ILDR2: variants seen among roughly 807,000 people sequenced by gnomAD.
ILDR2 encodes the protein immunoglobulin-like domain-containing receptor 2.
In ILDR2, 25 loss-of-function variants were observed where a neutral mutation model predicts 66.8. That is an observed-to-expected ratio of 0.37 (90% CI 0.27 to 0.52). The LOEUF (loss-of-function observed/expected upper bound fraction) is 0.52, where lower values mean the gene tolerates loss of function less well. Ranked by LOEUF, ILDR2 falls within the 20% of genes least tolerant of loss-of-function variation. The pLI, the probability that ILDR2 is intolerant of heterozygous loss-of-function variation, is 0.88. For missense variants in ILDR2, 827 were observed against 876.8 expected (o/e 0.94, Z 0.72); for synonymous variants, 367 against 357.2 (o/e 1.03, Z -0.31).
chr1:166,898,240 A>G (rs1367457348), intron 2 of ILDR2, among the ~76,000 whole-genome samples: 1 of 152,170 alleles, frequency 6.6e-6, no homozygotes, highest in African/African-American at 2.4e-5. Context: ...GGAATTCAGG[A>G]GAGAGTCCAG....
chr1:166,958,126 GA>G (rs1455486038), intron 1 of ILDR2, 25 bp from the exon 2 acceptor site: 1 of 1,578,456 alleles, frequency 6.3e-7, no homozygotes, highest in African/African-American at 1.3e-5. Flanking sequence ...AAACATGTCC[GA>G]ACAGTGTCCA....
chr1:166,953,872 C>T (rs1359322491), intron 3 of ILDR2, among the ~76,000 whole-genome samples: 1 of 152,200 alleles, frequency 6.6e-6, no homozygotes, highest in Non-Finnish European at 1.5e-5. Context: ...GGACATAGAA[C>T]TCATTTCTGA....
chr1:166,938,662 T>C (rs900953448), intron 4 of ILDR2, among the ~76,000 whole-genome samples: 1 of 152,222 alleles, frequency 6.6e-6, no homozygotes, highest in Non-Finnish European at 1.5e-5. Context: ...TTTTTAAAAA[T>C]TTGGATTAAG....
At chr1:166,941,802 T>A (rs952036202) in intron 3 of ILDR2, among the ~76,000 whole-genome samples, 7 of 152,242 alleles carry the variant, frequency 4.6e-5, no homozygotes, top group Admixed American at 4.6e-4. Flanking sequence ...GGATATGCTA[T>A]GATCCAAATC....
At chr1:166,967,628 G>A (rs1246914922) in intron 1 of ILDR2, among the ~76,000 whole-genome samples, 1 of 152,136 alleles carries the variant, frequency 6.6e-6, no homozygotes, top group East Asian at 1.9e-4. Context: ...ATGGTGATGT[G>A]TGCCTGTAGT....
chr1:166,956,540 G>C (rs1053092942), intron 3 of ILDR2, among the ~76,000 whole-genome samples, 193 bp downstream of exon 3: 4 of 152,136 alleles, frequency 2.6e-5, no homozygotes, highest in Admixed American at 2.0e-4. Flanking sequence ...GGGGGTCATA[G>C]CTTTCAAGAA....
chr1:166,975,197 T>C (rs753316438), intron 1 of ILDR2, 26 bp downstream of exon 1: 32 of 1,580,484 alleles, frequency 2.0e-5, no homozygotes, highest in Non-Finnish European at 2.8e-5. Context: ...ACAAAGTTAT[T>C]CGTTTCTGTT....
At chr1:166,920,644 C>A in intron 9 of ILDR2, 63 bp downstream of exon 9, 1 of 1,337,226 alleles carries the variant, frequency 7.5e-7, no homozygotes, top group Non-Finnish European at 9.6e-7. Flanking sequence ...AGCGACACTG[C>A]TCGCCCTGCC....
intron 6 of ILDR2, among the ~76,000 whole-genome samples, chr1:166,931,860 TGAA>T (rs1660657013): frequency 6.6e-6 from 1 of 152,196 alleles, no homozygotes; most frequent in Admixed American, 6.5e-5. Context: ...TGGTTCGAAG[TGAA>T]GAAGCAGCAG....
Position 166,920,739 on chromosome 1 carries a change from T to C in ILDR2, c.1852A>G (p.Lys618Glu). 2 of 1,453,500 alleles carry C rather than the reference T, an allele frequency of 1.4e-6. No homozygotes were observed. The highest frequency in any genetic ancestry group is 2.8e-5 in the East Asian group (1 of 35,524). The allele number at this position is 1,453,500 out of a possible 1,614,324, so 90.0% of individuals were successfully genotyped here. A position where few individuals can be genotyped will look rare whatever the true frequency, so the allele number is the denominator to read the frequency against. The part of the protein sequence containing the change: ...RDLPYHSNSE[K>E]KRKKEPAKKT... ...TTGGCGGGCTCCTTTTTCCTCTTCT[T>C]CTCCGAGTTGCTGTGGTAGGGCAGG... The change falls in exon 9 of 10, where the codon AAG becomes GAG. Residue 618 changes from lysine to glutamate, a missense_variant. Physicochemically the swap from Lys to Glu is moderately conservative, Grantham distance 56. Transcript: ENST00000271417.
At position 166,951,688 on chromosome 1, in the gene ILDR2, G is replaced by C. The variant is rs189183378; in HGVS notation, c.499+5045C>G. Among the ~76,000 whole-genome samples, 12 of 152,126 alleles carry C rather than the reference G, an allele frequency of 7.9e-5. No homozygotes were observed. In the East Asian group the frequency reaches 2.3e-3, roughly 29 times the overall value. The stretch of plus-strand genomic sequence containing the variant: ...GTATTTGAGGTATCACCCTCAACAG[G>C]GAATTAATTCTGCCATCTATGGATC... On this transcript the variant is annotated intron_variant, in intron 3 of 9. Transcript: ENST00000271417.
chr1:166,955,876 T>TA (rs1036815301), intron 3 of ILDR2, among the ~76,000 whole-genome samples: 1 of 152,198 alleles, frequency 6.6e-6, no homozygotes, highest in African/African-American at 2.4e-5. Context: ...TTGGAAGCTA[T>TA]AAAAATGTAA....
intron 3 of ILDR2, among the ~76,000 whole-genome samples, chr1:166,944,536 C>G (rs1212161886): frequency 6.6e-6 from 1 of 152,194 alleles, no homozygotes; most frequent in Non-Finnish European, 1.5e-5. Context: ...CCCTGGAGAC[C>G]TAGTCCTTGC....
chr1:166,937,994 T>C (rs190076258), intron 4 of ILDR2, among the ~76,000 whole-genome samples: 1 of 152,346 alleles, frequency 6.6e-6, no homozygotes. Context: ...TAGATCATAA[T>C]TTCCTCAGAG....
chr1:166,897,779 T>C (rs1659197417), intron 2 of ILDR2, among the ~76,000 whole-genome samples: 1 of 152,238 alleles, frequency 6.6e-6, no homozygotes, highest in African/African-American at 2.4e-5. Context: ...CTTTGTTCTA[T>C]GCATCTTTCT....
At chr1:166,968,129 A>G (rs1331453765) in intron 1 of ILDR2, among the ~76,000 whole-genome samples, 1 of 152,218 alleles carries the variant, frequency 6.6e-6, no homozygotes, top group African/African-American at 2.4e-5. Flanking sequence ...TATTCCCTCT[A>G]GCCTTCAGGA....
intron 1 of ILDR2, among the ~76,000 whole-genome samples, chr1:166,973,610 C>CCA: frequency 1.1e-5 from 1 of 88,630 alleles, no homozygotes; most frequent in Admixed American, 1.1e-4. Flanking sequence ...CTCAGGGACC[C>CCA]CTCCCCCCCC....
chr1:166,924,954 T>C (rs750863294), intron 7 of ILDR2, among the ~76,000 whole-genome samples: 5 of 152,140 alleles, frequency 3.3e-5, no homozygotes, highest in Non-Finnish European at 7.4e-5. Context: ...AAGTCGAGGC[T>C]GCAGTGAGCT....
At position 166,914,858 on chromosome 1, in the gene ILDR2, G is replaced by A. The variant is rs1484359679; in HGVS notation, c.*4497C>T. The A allele has an allele frequency of 6.6e-6, 1 of 152,146 alleles. No individual in the cohort carries two copies. Among genetic ancestry groups the A allele is most frequent in the Non-Finnish European group, 1.5e-5 (1 of 68,036 alleles). The allele number at this position is 152,146 out of a possible 1,614,324, so 9.4% of individuals were successfully genotyped here. The stretch of plus-strand genomic sequence containing the variant: ...ATTTCAGACTTCCATTAAGATGCTG[G>A]CAGCATTTAAATCTGATTTTGGAAG... On this transcript the variant is annotated 3_prime_UTR_variant, in exon 10 of 10. Coordinates refer to ENST00000271417, the MANE Select transcript of ILDR2 (RefSeq NM_199351.3).
Sources: allele counts gnomAD v4.1 joint callset (sites outside exome capture counted in the v4.1 genomes callset), GRCh38; gene constraint gnomAD v4.1.1; transcripts MANE v1.5; gene names NCBI Gene and HGNC (gene_info 2026-07-23, HGNC 2026-07-21).